KCNQ3: variants seen among roughly 807,000 people sequenced by gnomAD.
KCNQ3 encodes the protein potassium voltage-gated channel subfamily KQT member 3.
Under a neutral mutation model 92.5 loss-of-function variants are expected in KCNQ3, and 30 were observed. The observed-to-expected ratio is 0.32, with a 90% CI of 0.24 to 0.44. The LOEUF is 0.44. Ranked by LOEUF, KCNQ3 falls within the 20% of genes least tolerant of loss-of-function variation. The pLI, the probability that KCNQ3 is intolerant of heterozygous loss-of-function variation, is 1.00. For missense variants in KCNQ3, 913 were observed against 1,140.3 expected (o/e 0.80, Z 2.87); for synonymous variants, 450 against 468.8 (o/e 0.96, Z 0.52).
intron 1 of KCNQ3, among the ~76,000 whole-genome samples, chr8:132,356,911 G>A (rs1410467541): frequency 1.3e-5 from 2 of 152,166 alleles, no homozygotes; most frequent in East Asian, 3.9e-4. Flanking sequence ...TATGAGTTGT[G>A]AATTGGATTA....
At chr8:132,266,459 T>A (rs1249340982) in intron 1 of KCNQ3, among the ~76,000 whole-genome samples, 1 of 152,190 alleles carries the variant, frequency 6.6e-6, no homozygotes, top group Admixed American at 6.5e-5. Context: ...GGGAAAAGGC[T>A]AGACAGCAAG....
chr8:132,304,614 A>C (rs1301618598), intron 1 of KCNQ3, among the ~76,000 whole-genome samples: 1 of 152,178 alleles, frequency 6.6e-6, no homozygotes, highest in African/African-American at 2.4e-5. Context: ...TATTCACAAT[A>C]TTCATAGTAC....
intron 1 of KCNQ3, among the ~76,000 whole-genome samples, chr8:132,449,455 C>T (rs1317869096): frequency 6.6e-6 from 1 of 152,074 alleles, no homozygotes; most frequent in Non-Finnish European, 1.5e-5. Flanking sequence ...TGCCCTCCAA[C>T]CTCCCAGCAG....
At chr8:132,179,432 C>A (rs781560067) in intron 4 of KCNQ3, among the ~76,000 whole-genome samples, 1 of 152,098 alleles carries the variant, frequency 6.6e-6, no homozygotes, top group African/African-American at 2.4e-5. Flanking sequence ...TATCCCACTG[C>A]GTGACCTTGA....
At chr8:132,271,465 C>T (rs1816145904) in intron 1 of KCNQ3, among the ~76,000 whole-genome samples, 1 of 151,660 alleles carries the variant, frequency 6.6e-6, no homozygotes, top group Admixed American at 6.6e-5. Context: ...ACTCTGCAAC[C>T]CAGCTTGTTT....
rs566764918 is a variant in KCNQ3, at chr8:132,445,622, C to A, written c.386+34525G>T. On this transcript the variant is annotated intron_variant, in intron 1 of 14. Transcript: ENST00000388996. ...CAATCCTCCAAATCAAATTAATTTT[C>A]CCTCCTTTGGGCACCCTTAGTTCTT... 3.2e-4 allele frequency among the ~76,000 whole-genome samples: 48 copies of A among 152,226 alleles called. No homozygotes were observed. In the South Asian group the frequency reaches 9.8e-3, roughly 31 times the overall value.
At chr8:132,296,292 C>A (rs1478786926) in intron 1 of KCNQ3, among the ~76,000 whole-genome samples, 1 of 152,132 alleles carries the variant, frequency 6.6e-6, no homozygotes, top group Admixed American at 6.5e-5. Context: ...GAAACTAAAG[C>A]TGAGATGTCA....
Position 132,256,303 on chromosome 8 carries a change from A to G in KCNQ3, c.387-70122T>C, listed in dbSNP as rs1410807629. On this transcript the variant is annotated intron_variant, in intron 1 of 14. Transcript: ENST00000388996. ...AGATAAGTCAATTGAGATTATTCAA[A>G]TTGAGGAATAAAAAGAAAAAAAGAA... is the stretch of plus-strand genomic sequence containing the variant. Among the ~76,000 whole-genome samples, 3 of 152,270 alleles carry G rather than the reference A, an allele frequency of 2.0e-5. No individual in the cohort carries two copies. The East Asian group carries it at 5.8e-4, about 29-fold the overall frequency.
chr8:132,311,486 T>C (rs1205345499), intron 1 of KCNQ3, among the ~76,000 whole-genome samples: 2 of 152,242 alleles, frequency 1.3e-5, no homozygotes, highest in Admixed American at 6.5e-5. Context: ...CTCCCTGTCC[T>C]GTGTCCTTCC....
chr8:132,131,488 A>G (rs934536615), intron 14 of KCNQ3, among the ~76,000 whole-genome samples: 8 of 152,134 alleles, frequency 5.3e-5, no homozygotes, highest in African/African-American at 1.9e-4. Flanking sequence ...GACATTGAGA[A>G]AAGGAGGACA....
chr8:132,209,736 A>T (rs1458999976), intron 1 of KCNQ3, among the ~76,000 whole-genome samples: 1 of 152,194 alleles, frequency 6.6e-6, no homozygotes, highest in Non-Finnish European at 1.5e-5. Flanking sequence ...GATTTTGCCC[A>T]TCTGTAGGCT....
intron 1 of KCNQ3, among the ~76,000 whole-genome samples, chr8:132,297,540 C>T (rs575705092): frequency 6.6e-6 from 1 of 152,150 alleles, no homozygotes; most frequent in African/African-American, 2.4e-5. Flanking sequence ...GAGCCTTTCC[C>T]ACTACAGCAC....
intron 1 of KCNQ3, among the ~76,000 whole-genome samples, chr8:132,323,589 T>G (rs995516688): frequency 3.3e-5 from 5 of 152,166 alleles, no homozygotes; most frequent in Admixed American, 3.3e-4. Flanking sequence ...TGGCCGTAGG[T>G]GCTAAAACCA....
intron 1 of KCNQ3, among the ~76,000 whole-genome samples, chr8:132,200,020 C>A (rs1333323017): frequency 1.3e-5 from 2 of 151,824 alleles, no homozygotes; most frequent in Non-Finnish European, 2.9e-5. Context: ...ATTGTATAAT[C>A]ATAGAAAATA....
At chr8:132,133,426 G>A (rs192373948) in intron 13 of KCNQ3, among the ~76,000 whole-genome samples, 24 of 140,954 alleles carry the variant, frequency 1.7e-4, no homozygotes, top group Non-Finnish European at 3.5e-4. Flanking sequence ...CATGATCTCG[G>A]CTCACTGCAA....
chr8:132,327,950 A>T (rs1413449549), intron 1 of KCNQ3, among the ~76,000 whole-genome samples: 1 of 152,010 alleles, frequency 6.6e-6, no homozygotes, highest in Non-Finnish European at 1.5e-5. Context: ...TCTCTGTGGG[A>T]TCTAGGACCT....
chr8:132,295,614 C>T lies in KCNQ3; in HGVS notation c.387-109433G>A, dbSNP rs144457212. Among the ~76,000 whole-genome samples the T allele has an allele frequency of 7.7e-3, 1,178 of 152,232 alleles. 15 individuals carry two copies. The highest frequency in any genetic ancestry group is 0.027 in the African/African-American group (1,117 of 41,544). The stretch of plus-strand genomic sequence containing the variant: ...TTCATTGCAGCACTATTCACAATAG[C>T]AAAGACATGGAATAAGCCCAAATGC... On this transcript the variant is annotated intron_variant, in intron 1 of 14. Coordinates refer to ENST00000388996, the MANE Select transcript of KCNQ3 (RefSeq NM_004519.4).
chr8:132,296,444 GTT>G (rs1817024381), intron 1 of KCNQ3, among the ~76,000 whole-genome samples: 1 of 151,886 alleles, frequency 6.6e-6, no homozygotes, highest in Non-Finnish European at 1.5e-5. Context: ...CAATGTGCAG[GTT>G]TGTTACATAT....
In KCNQ3 at chr8:132,249,774, C is replaced by T. The variant is rs181805469; in HGVS notation, c.387-63593G>A. Among the ~76,000 whole-genome samples the T allele has an allele frequency of 5.0e-3, 759 of 152,254 alleles. 7 individuals carry two copies. The highest frequency in any genetic ancestry group is 0.018 in the African/African-American group (730 of 41,554). ...CGGCTAGGGGGAGGCTCGGGCATGA[C>T]GGGCTGCAGGTCCTGAGCCCTGCCC... On this transcript the variant is annotated intron_variant, in intron 1 of 14. Coordinates refer to ENST00000388996, the MANE Select transcript of KCNQ3 (RefSeq NM_004519.4).
Sources: gnomAD v4.1 joint callset for allele counts (sites outside exome capture counted in the v4.1 genomes callset) on GRCh38, gnomAD v4.1.1 for gene constraint, MANE v1.5 for transcripts, NCBI Gene and HGNC (gene_info 2026-07-23, HGNC 2026-07-21) for gene names.